Variants in C2orf69 observed in about 807,000 individuals in gnomAD.
C2orf69 encodes mitochondrial protein C2orf69.
In C2orf69, 19 loss-of-function variants were observed where a neutral mutation model predicts 29.5. The observed-to-expected ratio is 0.65, with a 90% CI of 0.45 to 0.95. The LOEUF is 0.95. C2orf69 is among the 40% of genes least tolerant of loss of function. The pLI is 0.00. For missense variants in C2orf69, 416 were observed against 482.1 expected (o/e 0.86, Z 1.28); for synonymous variants, 194 against 180.0 (o/e 1.08, Z -0.62).
chr2:199,911,517 T>G lies in C2orf69; in HGVS notation c.79T>G (p.Cys27Gly), dbSNP rs1472350898. 6.5e-7 allele frequency: 1 copy of G among 1,549,318 alleles called. No individual in the cohort carries two copies. The highest frequency in any genetic ancestry group is 8.7e-7 in the Non-Finnish European group (1 of 1,146,576). The change falls in exon 1 of 2, where the codon TGC (cysteine) becomes GGC (glycine). Residue 27 changes from cysteine (C) to glycine (G), a missense_variant. Physicochemically the swap from Cys to Gly is radical, Grantham distance 159. Transcript: ENST00000319974. Reference sequence around the variant, plus strand: ...GCTCGGAATCGGAAACGCCTCGTCCTGCTCTCAGGCCAGAACCATGAACCC... The same window carrying G: ...GCTCGGAATCGGAAACGCCTCGTCCGGCTCTCAGGCCAGAACCATGAACCC... ...PQLGIGNASS[C>G]SQARTMNPGG...
chr2:199,918,645 A>G (rs1447872942), intron 1 of C2orf69, among the ~76,000 whole-genome samples: 1 of 152,160 alleles, frequency 6.6e-6, no homozygotes, highest in Non-Finnish European at 1.5e-5. Context: ...TACAGGTGTG[A>G]GCCACTGTGC....
intron 1 of C2orf69, among the ~76,000 whole-genome samples, chr2:199,921,512 A>G (rs1218222511): frequency 6.6e-6 from 1 of 152,226 alleles, no homozygotes; most frequent in South Asian, 2.1e-4. Flanking sequence ...ATATCATTTT[A>G]TCATAGTAGC....
At chr2:199,912,693 T>G (rs1210054099) in intron 1 of C2orf69, among the ~76,000 whole-genome samples, 1 of 152,024 alleles carries the variant, frequency 6.6e-6, no homozygotes, top group Non-Finnish European at 1.5e-5. Flanking sequence ...CAGGCTGGAG[T>G]GCAGTGGCGC....
At position 199,925,108 on chromosome 2, in the gene C2orf69, A is replaced by G. The variant is rs1276570372; in HGVS notation, c.380A>G (p.Glu127Gly). The change falls in exon 2 of 2, where the codon GAA becomes GGA. Residue 127 changes from glutamate to glycine, a missense_variant. Physicochemically the swap from Glu to Gly is moderately conservative, Grantham distance 98. This residue lies in a region of C2orf69 where 225 missense variants were observed against 307.3 expected (regional missense o/e 0.73). Coordinates refer to ENST00000319974, the MANE Select transcript of C2orf69 (RefSeq NM_153689.6). This position sits in a 1 kb window ranked among gnomAD's most constrained non-coding sequence, Gnocchi z 4.9. Reference protein sequence around the residue: ...MTRHPENYQWENWSLENVATI... With the variant: ...MTRHPENYQWGNWSLENVATI... ...CGTCATCCTGAGAATTATCAATGGG[A>G]AAACTGGAGTCTAGAAAATGTTGCT... 6.8e-6 allele frequency: 11 copies of G among 1,612,806 alleles called. 1 individual carries two copies. The South Asian group carries it at 1.2e-4, about 18-fold the overall frequency.
intron 1 of C2orf69, among the ~76,000 whole-genome samples, chr2:199,912,486 G>T (rs2077268659): frequency 6.6e-6 from 1 of 152,166 alleles, no homozygotes; most frequent in Non-Finnish European, 1.5e-5. Context: ...TAAAAATCCA[G>T]TTATTCATAT....
intron 1 of C2orf69, among the ~76,000 whole-genome samples, chr2:199,921,523 G>A (rs1281634304): frequency 2.0e-5 from 3 of 152,226 alleles, no homozygotes; most frequent in South Asian, 2.1e-4. Context: ...TCATAGTAGC[G>A]AGGATTTTAA....
intron 1 of C2orf69, among the ~76,000 whole-genome samples, chr2:199,922,863 A>G (rs938354261): frequency 8.5e-5 from 13 of 152,232 alleles, no homozygotes; most frequent in Admixed American, 5.2e-4. Context: ...TTTTCAAAGC[A>G]TATATCAGCC....
At chr2:199,916,126 T>A (rs2077291873) in intron 1 of C2orf69, among the ~76,000 whole-genome samples, 1 of 152,118 alleles carries the variant, frequency 6.6e-6, no homozygotes, top group Non-Finnish European at 1.5e-5. Context: ...CTCAGGAGAC[T>A]TACAATCATG....
At chr2:199,921,868 A>G (rs1425623372) in intron 1 of C2orf69, among the ~76,000 whole-genome samples, 2 of 151,572 alleles carry the variant, frequency 1.3e-5, no homozygotes, top group African/African-American at 4.8e-5. Flanking sequence ...GTACCTTTGT[A>G]TATAGAATTT....
Position 199,925,548 on chromosome 2 carries a change from C to G in C2orf69, c.820C>G (p.Leu274Val), listed in dbSNP as rs778893586. Residue 274 changes from leucine (L) to valine (V), a missense_variant, in exon 2 of 2, where the codon CTT becomes GTT. By Grantham distance (32) the Leu-to-Val change is conservative. This residue lies in a region of C2orf69 where 225 missense variants were observed against 307.3 expected (regional missense o/e 0.73). Transcript: ENST00000319974. The surrounding 1 kb of genome is among the most constrained non-coding windows in gnomAD (Gnocchi z 4.9). ...SKGCVVLNQL[L>V]FELKEAKKDK... ...AGGTTGTGTTGTTTTGAATCAGTTG[C>G]TTTTTGAATTGAAAGAAGCCAAGAA... 1.9e-6 allele frequency: 3 copies of G among 1,613,802 alleles called. No homozygotes were observed. In the Admixed American group the frequency reaches 5.0e-5, roughly 27 times the overall value.
At chr2:199,916,538 A>T (rs147954475) in intron 1 of C2orf69, among the ~76,000 whole-genome samples, 5 of 152,306 alleles carry the variant, frequency 3.3e-5, no homozygotes, top group Non-Finnish European at 5.9e-5. Context: ...TCCACCTATG[A>T]GCCTGTAAAA....
At chr2:199,917,341 C>A (rs180858915) in intron 1 of C2orf69, among the ~76,000 whole-genome samples, 98 of 152,274 alleles carry the variant, frequency 6.4e-4, no homozygotes, top group South Asian at 1.2e-3. Context: ...TTTGGCTCCT[C>A]GTTACTTATG....
In C2orf69 at chr2:199,911,303, G is replaced by A. The variant is rs1016815567; in HGVS notation, c.-136G>A. The stretch of plus-strand genomic sequence containing the variant: ...CGCGCGGACGTCGGCCTCTGACGTC[G>A]TCGCCTCAGCGCCGGCTCCCGGCCG... On this transcript the variant is annotated 5_prime_UTR_variant, in exon 1 of 2. Transcript: ENST00000319974. The A allele has an allele frequency of 6.5e-5, 70 of 1,077,856 alleles. No homozygotes were observed. Among genetic ancestry groups the A allele is most frequent in the Non-Finnish European group, 7.4e-5 (60 of 811,290 alleles). The allele number at this position is 1,077,856 out of a possible 1,614,324, so 66.8% of individuals were successfully genotyped here.
intron 1 of C2orf69, among the ~76,000 whole-genome samples, chr2:199,920,179 AT>A (rs1291961030): frequency 6.6e-6 from 1 of 152,164 alleles, no homozygotes; most frequent in Non-Finnish European, 1.5e-5. Context: ...TTTTCTGTAG[AT>A]TGGCCGTGGG....
At position 199,925,002 on chromosome 2, in the gene C2orf69, G is replaced by A; in HGVS notation, c.334-60G>A. 1.9e-6 allele frequency: 2 copies of A among 1,048,794 alleles called. No individual in the cohort carries two copies. The highest frequency in any genetic ancestry group is 2.6e-5 in the East Asian group (1 of 38,346). 65.0% of individuals were successfully genotyped at this position (1,048,794 alleles called of 1,614,324 possible). On this transcript the variant is annotated intron_variant, in intron 1 of 1. Coordinates refer to ENST00000319974, the MANE Select transcript of C2orf69 (RefSeq NM_153689.6). This position sits in a 1 kb window ranked among gnomAD's most constrained non-coding sequence, Gnocchi z 4.9. ...CACAATAAAAATGGAAACTTATTTT[G>A]TGGAAATCATTTTATGTAAATATGT... is the stretch of plus-strand genomic sequence containing the variant.
chr2:199,911,573 C>G lies in C2orf69; in HGVS notation c.135C>G (p.Leu45=). The G allele has an allele frequency of 1.9e-6, 3 of 1,549,756 alleles. No homozygotes were observed. The highest frequency in any genetic ancestry group is 2.6e-6 in the Non-Finnish European group (3 of 1,146,714). Residue 45 remains leucine, a synonymous_variant, in exon 1 of 2, where the codon CTC becomes CTG. Coordinates refer to ENST00000319974, the MANE Select transcript of C2orf69 (RefSeq NM_153689.6). ...GCAGCGGCGGCGCGCGATGCTCCCT[C>G]TCGGCCGAGGTGCGCCGCCGTCAGT... is the stretch of plus-strand genomic sequence containing the variant. ...PGGSGGARCS[L]SAEVRRRQCL...
intron 1 of C2orf69, among the ~76,000 whole-genome samples, chr2:199,912,222 A>T (rs2077266754): frequency 6.6e-6 from 1 of 151,962 alleles, no homozygotes; most frequent in Admixed American, 6.6e-5. Flanking sequence ...CAAAGGTATG[A>T]CATCCAGTAA....
In C2orf69 at chr2:199,911,637, C is replaced by G. The variant is rs772982593; in HGVS notation, c.199C>G (p.Arg67Gly). The change falls in exon 1 of 2, where the codon CGC (arginine) becomes GGC (glycine). Residue 67 changes from arginine (R) to glycine (G), a missense_variant. Physicochemically the swap from Arg to Gly is moderately radical, Grantham distance 125 (BLOSUM62 -2). Transcript: ENST00000319974. ...LSTVPGADPQ[R>G]SNELLLLAAA... ...CACCGTGCCTGGAGCCGATCCGCAG[C>G]GCAGCAACGAATTGCTCCTGTTGGC... is the stretch of plus-strand genomic sequence containing the variant. 10 of 1,549,334 alleles carry G rather than the reference C, an allele frequency of 6.5e-6. No individual in the cohort carries two copies. The highest frequency in any genetic ancestry group is 1.2e-5 in the South Asian group (1 of 83,996).
rs779021703 is a variant in C2orf69 at position 199,926,035 on chromosome 2, G to A, written c.*149G>A. On this transcript the variant is annotated 3_prime_UTR_variant, in exon 2 of 2. Transcript: ENST00000319974. The stretch of plus-strand genomic sequence containing the variant: ...CACATTCCTAAAATGTGAGTGTAAT[G>A]TGCAATAGTATTTTTTGCTTGTGAA... The A allele has an allele frequency of 5.1e-5, 30 of 583,134 alleles. No homozygotes were observed. The highest frequency in any genetic ancestry group is 8.2e-5 in the Non-Finnish European group (27 of 330,662). 36.1% of individuals were successfully genotyped at this position (583,134 alleles called of 1,614,324 possible).
Sources: gnomAD v4.1 joint callset for allele counts (sites outside exome capture counted in the v4.1 genomes callset) on GRCh38, gnomAD v4.1.1 for gene constraint, gnomAD v4.1.1 regional missense constraint, Gnocchi (gnomAD v3.1) non-coding constraint, MANE v1.5 for transcripts, NCBI Gene and HGNC (gene_info 2026-07-23, HGNC 2026-07-21) for gene names.